Variants in MCF2L observed in about 807,000 individuals in gnomAD.
The protein encoded by MCF2L is guanine nucleotide exchange factor DBS.
A neutral mutation model predicts 153.4 loss-of-function variants in MCF2L; 97 were observed. The observed-to-expected ratio is 0.63, with a 90% CI of 0.54 to 0.75. MCF2L has a LOEUF of 0.75. Among genes scored for constraint, MCF2L ranks in the 30% least tolerant of loss-of-function variants. The pLI is 0.00. For synonymous variants in MCF2L, 659 were observed against 632.2 expected (o/e 1.04, Z -0.64); for missense variants, 1,347 against 1,495.2 (o/e 0.90, Z 1.64).
intron 2 of MCF2L, among the ~76,000 whole-genome samples, chr13:112,920,822 C>T (rs2081344673): frequency 6.6e-6 from 1 of 152,140 alleles, no homozygotes; most frequent in Admixed American, 6.5e-5. Flanking sequence ...CACAGATTGG[C>T]TCACAAAGAG....
chr13:113,024,968 T>C (rs111537546), intron 3 of MCF2L: 19,380 of 359,114 alleles, frequency 0.054, 79 homozygotes, highest in East Asian at 0.11. Flanking sequence ...GGGCAGAGTC[T>C]CTGTGAGGTT....
At position 113,029,735 on chromosome 13, in the gene MCF2L, G is replaced by A. The variant is rs190079245; in HGVS notation, c.278+4977G>A. Among the ~76,000 whole-genome samples the A allele has an allele frequency of 7.9e-5, 12 of 152,326 alleles. No individual in the cohort carries two copies. The East Asian group carries it at 2.1e-3, about 27-fold the overall frequency. ...CCCTGGGAGACCAAGAGAGGGAGGG[G>A]AGCTTGGACCTTTTCTTCCAGGAGA... On this transcript the variant is annotated intron_variant, in intron 3 of 29. Transcript: ENST00000535094.
chr13:112,895,175 C>T (rs2140479217), intron 1 of MCF2L, among the ~76,000 whole-genome samples: 1 of 152,222 alleles, frequency 6.6e-6, no homozygotes, highest in East Asian at 1.9e-4. Context: ...TGCTTCAGAC[C>T]CTTATATAGG....
intron 2 of MCF2L, among the ~76,000 whole-genome samples, chr13:112,945,001 ATT>A (rs10690779): frequency 1.8e-4 from 25 of 139,326 alleles, no homozygotes; most frequent in South Asian, 6.9e-4. Context: ...AGGCACCACT[ATT>A]TTTTTTTTTT....
chr13:113,064,720 C>T lies in MCF2L; in HGVS notation c.607-216C>T. 1 of 602,656 alleles carries T rather than the reference C, an allele frequency of 1.7e-6. No individual in the cohort carries two copies. Among genetic ancestry groups the T allele is most frequent in the Admixed American group, 3.0e-5 (1 of 33,616 alleles). 37.3% of individuals were successfully genotyped at this position (602,656 alleles called of 1,614,324 possible). A position where few individuals can be genotyped will look rare whatever the true frequency, so the allele number is the denominator to read the frequency against. ...GGAGAGGCAGCGCAGGCACAGGCGA[C>T]TCTAGGTGACGGGCACACGTGTAGA... On this transcript the variant is annotated intron_variant, in intron 6 of 29. Transcript: ENST00000535094. The surrounding 1 kb of genome is among the most constrained non-coding windows in gnomAD (Gnocchi z 6.0).
rs1169112854 is a variant in MCF2L at position 113,097,749 on chromosome 13, T to C, written c.*890T>C. On this transcript the variant is annotated 3_prime_UTR_variant, in exon 30 of 30. Coordinates refer to ENST00000535094, the MANE Select transcript of MCF2L (RefSeq NM_001112732.3). ...TTTTAAAGAAAATACAAAGATGCAG[T>C]TTCTGCAGGGTGTGGCGTGGACCAG... 3 of 152,200 alleles carry C rather than the reference T, an allele frequency of 2.0e-5. No homozygotes were observed. The highest frequency in any genetic ancestry group is 1.3e-4 in the Admixed American group (2 of 15,274). The allele number at this position is 152,200 out of a possible 1,614,324, so 9.4% of individuals were successfully genotyped here.
At chr13:113,021,062 GTA>G (rs2084853770) in intron 2 of MCF2L, among the ~76,000 whole-genome samples, 3 of 152,018 alleles carry the variant, frequency 2.0e-5, no homozygotes, top group South Asian at 2.1e-4. Flanking sequence ...ATCCATGTGT[GTA>G]TATATAGGTG....
Position 112,960,543 on chromosome 13 carries a change from A to G in MCF2L, c.170-54220A>G, listed in dbSNP as rs781351936. Among the ~76,000 whole-genome samples, 7 of 152,026 alleles carry G rather than the reference A, an allele frequency of 4.6e-5. No individual in the cohort carries two copies. Among genetic ancestry groups the G allele is most frequent in the Non-Finnish European group, 8.8e-5 (6 of 68,002 alleles). Reference sequence around the variant, plus strand: ...CTCCAAGGGGGCGGGATAGGCTGTCATTCTGGGGAAGGGGGGCTTTGGGGT... The same window carrying G: ...CTCCAAGGGGGCGGGATAGGCTGTCGTTCTGGGGAAGGGGGGCTTTGGGGT... On this transcript the variant is annotated intron_variant, in intron 2 of 29. Coordinates refer to the MCF2L transcript ENST00000375608. The surrounding 1 kb of genome is among the most constrained non-coding windows in gnomAD (Gnocchi z 4.2).
intron 2 of MCF2L, among the ~76,000 whole-genome samples, chr13:112,936,929 A>G (rs922529489): frequency 6.6e-6 from 1 of 152,264 alleles, no homozygotes; most frequent in Non-Finnish European, 1.5e-5. Context: ...GTCTATGCTC[A>G]GTACAGATGC....
intron 3 of MCF2L, among the ~76,000 whole-genome samples, chr13:113,038,397 G>A (rs1248540329): frequency 4.0e-5 from 6 of 151,582 alleles, no homozygotes; most frequent in Admixed American, 6.6e-5. Context: ...CCCGGAAGGC[G>A]GAGCTTGCAG....
chr13:112,938,468 G>A lies in MCF2L; in HGVS notation c.169+36097G>A, dbSNP rs545009881. 3.9e-5 allele frequency among the ~76,000 whole-genome samples: 6 copies of A among 152,262 alleles called. No homozygotes were observed. In the East Asian group the frequency reaches 9.6e-4, roughly 24 times the overall value. On this transcript the variant is annotated intron_variant, in intron 2 of 29. Coordinates refer to the MCF2L transcript ENST00000375608. ...AAACATAGGCCCAGTTGGGCACTCCGGGTGGGCTCTTTCGGGTCCACATTT... is the reference window on the plus strand; with the variant it reads ...AAACATAGGCCCAGTTGGGCACTCCAGGTGGGCTCTTTCGGGTCCACATTT...
At position 112,951,220 on chromosome 13, in the gene MCF2L, G is replaced by A. The variant is rs61963560; in HGVS notation, c.169+48849G>A. On this transcript the variant is annotated intron_variant, in intron 2 of 29. Transcript: ENST00000375608. The surrounding 1 kb of genome is among the most constrained non-coding windows in gnomAD (Gnocchi z 4.8). ...GCCAACTTCGAATGCTGGCAGGGAT[G>A]TGGATAAACTGGGTTACTCCTAAGT... 0.14 allele frequency among the ~76,000 whole-genome samples: 21,608 copies of A among 152,210 alleles called. 1,853 individuals carry two copies. Among genetic ancestry groups the A allele is most frequent in the Admixed American group, 0.19 (2,969 of 15,286 alleles).
intron 4 of MCF2L, among the ~76,000 whole-genome samples, chr13:113,056,332 C>G (rs1379597448): frequency 5.2e-4 from 53 of 101,538 alleles, no homozygotes; most frequent in Non-Finnish European, 7.6e-4. Context: ...CTGAGTGTTT[C>G]GGTGCTGTGT....
rs2081472848 is a variant in MCF2L at position 112,932,343 on chromosome 13, A to G, written c.169+29972A>G. On this transcript the variant is annotated intron_variant, in intron 2 of 29. Transcript: ENST00000375608. The surrounding 1 kb of genome is among the most constrained non-coding windows in gnomAD (Gnocchi z 4.6). Reference sequence around the variant, plus strand: ...ACAGAGGCTTCCAGTATACCTGACCAGTAGCCCTCAAAACTGTCAAAGTCA... The same window carrying G: ...ACAGAGGCTTCCAGTATACCTGACCGGTAGCCCTCAAAACTGTCAAAGTCA... Among the ~76,000 whole-genome samples the G allele has an allele frequency of 6.6e-6, 1 of 152,220 alleles. No homozygotes were observed.
At chr13:112,902,941 T>A (rs188368807) in intron 2 of MCF2L, among the ~76,000 whole-genome samples, 139 of 152,182 alleles carry the variant, frequency 9.1e-4, no homozygotes, top group Non-Finnish European at 1.7e-3. Flanking sequence ...AATGCTTCTC[T>A]CTCCAGCCCC....
At chr13:113,084,115 T>C (rs1203350194) in intron 18 of MCF2L, 48 bp downstream of exon 18, 2 of 1,420,492 alleles carry the variant, frequency 1.4e-6, no homozygotes, top group Non-Finnish European at 2.0e-6. Context: ...TTAAAAGTAC[T>C]GAATAATGAC....
rs1407954152 is a variant in MCF2L, at chr13:113,087,457, G to A, written c.2595+1G>A. 5.0e-6 allele frequency: 8 copies of A among 1,598,796 alleles called. No individual in the cohort carries two copies. The highest frequency in any genetic ancestry group is 6.8e-6 in the Non-Finnish European group (8 of 1,170,096). On this transcript the variant is annotated splice_donor_variant, in intron 22 of 29. Transcript: ENST00000535094. LOFTEE classifies it high-confidence loss of function. The stretch of plus-strand genomic sequence containing the variant: ...CTACAGCTACAAGCAGTCCTTAAAC[G>A]TAAGTGAGGCCGGGTCTGCAGCAGC...
At position 113,096,384 on chromosome 13, in the gene MCF2L, A is replaced by C; in HGVS notation, c.3089A>C (p.Tyr1030Ser). The change falls in exon 28 of 30, where the codon TAC (tyrosine) becomes TCC (serine). Residue 1030 changes from tyrosine to serine, a missense_variant. By Grantham distance (144) the Tyr-to-Ser change is moderately radical (BLOSUM62 -2). Around this residue, in one of 3 missense-constraint regions of MCF2L, gnomAD observed 383 missense variants for 335.4 expected, o/e 1.14. Coordinates refer to ENST00000535094, the MANE Select transcript of MCF2L (RefSeq NM_001112732.3). ...GTCTCCCACCAGGTTCCAGGTAAAT[A>C]CACGGTCGTGGCGGACCACGAGAAG... ...LGPKKLVPGK[Y>S]TVVADHEKGG... 2 of 1,582,012 alleles carry C rather than the reference A, an allele frequency of 1.3e-6. No homozygotes were observed.
At chr13:113,084,262 A>G (rs899785340) in intron 18 of MCF2L, among the ~76,000 whole-genome samples, 195 bp downstream of exon 18, 2 of 150,176 alleles carry the variant, frequency 1.3e-5, no homozygotes, top group Non-Finnish European at 3.0e-5. Context: ...ACCCCAGAAA[A>G]CCTCCTGAAC....
Sources: allele counts gnomAD v4.1 joint callset (sites outside exome capture counted in the v4.1 genomes callset), GRCh38; gene constraint gnomAD v4.1.1; regional missense constraint gnomAD v4.1.1; non-coding constraint Gnocchi (gnomAD v3.1); transcripts MANE v1.5; gene names NCBI Gene and HGNC (gene_info 2026-07-23, HGNC 2026-07-21).